The following ERC1 variants were observed in gnomAD, a reference collection of about 807,000 sequenced individuals.
ERC1 encodes the protein RAB6 interacting protein 2.
In ERC1, 56 loss-of-function variants were observed where a neutral mutation model predicts 132.0. The observed-to-expected ratio is 0.42, with a 90% CI of 0.34 to 0.53. The LOEUF is 0.53. Among genes scored for constraint, ERC1 ranks in the 20% least tolerant of loss-of-function variants. The probability of loss-of-function intolerance (pLI) is 0.03; values close to 1 mark genes in which losing one functional copy is unlikely to be tolerated. For synonymous variants in ERC1, 478 were observed against 476.1 expected (o/e 1.00, Z -0.05); for missense variants, 1,202 against 1,349.9 (o/e 0.89, Z 1.72).
chr12:1,113,033 T>G (rs745606217), intron 6 of ERC1, among the ~76,000 whole-genome samples: 3 of 152,222 alleles, frequency 2.0e-5, no homozygotes, highest in Non-Finnish European at 4.4e-5. Flanking sequence ...CCCATGTCAT[T>G]ATTCCCTAAG....
chr12:1,209,722 A>G (rs74057292), intron 12 of ERC1, among the ~76,000 whole-genome samples: 4,415 of 152,260 alleles, frequency 0.029, 221 homozygotes, highest in African/African-American at 0.1. Flanking sequence ...CTACCTTTCG[A>G]AAAGCTCCCA....
intron 2 of ERC1, among the ~76,000 whole-genome samples, chr12:1,034,383 C>T (rs1968658837): frequency 6.6e-6 from 1 of 151,726 alleles, no homozygotes; most frequent in South Asian, 2.1e-4. Flanking sequence ...TGAGTCCAGC[C>T]TGGGCAACAT....
intron 15 of ERC1, among the ~76,000 whole-genome samples, chr12:1,307,192 G>A (rs1468154913): frequency 2.6e-5 from 4 of 152,178 alleles, no homozygotes; most frequent in Non-Finnish European, 5.9e-5. Context: ...TAGCTAATCA[G>A]GTCATTTAAT....
At position 1,289,941 on chromosome 12, in the gene ERC1, A is replaced by G. The variant is rs761111207; in HGVS notation, c.2709A>G (p.Ala903=). Residue 903 remains alanine (A), a synonymous_variant, in exon 15 of 19, where the codon GCA becomes GCG. Transcript: ENST00000360905. ...TGTCCTCCACCCAGCAGTCTCTGGC[A>G]GAAAAGGAAACTCACTTGACTAATC... The part of the protein sequence containing the change: ...AKLSSTQQSL[A]EKETHLTNLR... 6.2e-6 allele frequency: 10 copies of G among 1,614,034 alleles called. No homozygotes were observed. The highest frequency in any genetic ancestry group is 5.0e-5 in the Admixed American group (3 of 60,012).
At chr12:1,083,114 A>G (rs917399221) in intron 2 of ERC1, 50 bp from the exon 3 acceptor site, 127 of 1,509,878 alleles carry the variant, frequency 8.4e-5, no homozygotes, top group Non-Finnish European at 1.1e-4. Context: ...CTGATTTGCT[A>G]CTTGAGGAGG....
At chr12:1,230,917 TTTTTCTATCC>T (rs2074981639) in intron 12 of ERC1, among the ~76,000 whole-genome samples, 1 of 152,212 alleles carries the variant, frequency 6.6e-6, no homozygotes, top group African/African-American at 2.4e-5. Flanking sequence ...ATGGAATATC[TTTTTCTATCC>T]TTTTGTTTTC....
intron 7 of ERC1, among the ~76,000 whole-genome samples, chr12:1,133,730 A>G (rs190447310): frequency 3.0e-4 from 46 of 152,266 alleles, no homozygotes; most frequent in African/African-American, 1.1e-3. Flanking sequence ...ACGCTGCTGT[A>G]TATTAGATCC....
intron 12 of ERC1, among the ~76,000 whole-genome samples, chr12:1,228,642 C>T (rs569395198): frequency 1.3e-5 from 2 of 152,170 alleles, no homozygotes; most frequent in South Asian, 2.1e-4. Flanking sequence ...AACTTTTCAC[C>T]GTTAGATTTA....
At chr12:1,243,760 C>T (rs775155175) in intron 13 of ERC1, among the ~76,000 whole-genome samples, 2 of 152,102 alleles carry the variant, frequency 1.3e-5, no homozygotes, top group Non-Finnish European at 2.9e-5. Flanking sequence ...TGTAGTTCTC[C>T]GGATAGCCCC....
chr12:1,083,185 G>A lies in ERC1; in HGVS notation c.691G>A (p.Ala231Thr). The A allele has an allele frequency of 6.2e-7, 1 of 1,613,186 alleles. No individual in the cohort carries two copies. The highest frequency in any genetic ancestry group is 8.5e-7 in the Non-Finnish European group (1 of 1,179,726). ...CTAGCACATGCAGATGACAATCCAG[G>A]CTCTCCAGGATGAATTGCGGATCCA... ...ENQHMQMTIQALQDELRIQRD... is the reference protein window; with the variant it reads ...ENQHMQMTIQTLQDELRIQRD... Residue 231 changes from alanine (A) to threonine (T), a missense_variant, in exon 3 of 19, where the codon GCT (alanine) becomes ACT (threonine). By Grantham distance (58) the Ala-to-Thr change is moderately conservative. Coordinates refer to ENST00000360905, the MANE Select transcript of ERC1 (RefSeq NM_178040.4).
rs577158643 is a variant in ERC1 at position 1,198,767 on chromosome 12, C to T, written c.2351+8715C>T. ...GGGGAAGCAGGCACATTTACATGGC[C>T]GGCAGGAGAGAGAGAGCCAGCAAAG... On this transcript the variant is annotated intron_variant, in intron 12 of 18. Transcript: ENST00000360905. Among the ~76,000 whole-genome samples, 28 of 151,066 alleles carry T rather than the reference C, an allele frequency of 1.9e-4. No homozygotes were observed. The South Asian group carries it at 4.6e-3, about 25-fold the overall frequency.
At chr12:1,084,656 A>G (rs889545692) in intron 3 of ERC1, among the ~76,000 whole-genome samples, 1 of 148,422 alleles carries the variant, frequency 6.7e-6, no homozygotes, top group Non-Finnish European at 1.5e-5. Context: ...TAACTTATGT[A>G]TATGCTTCCA....
intron 12 of ERC1, among the ~76,000 whole-genome samples, chr12:1,197,134 C>G (rs950783247): frequency 6.6e-6 from 1 of 151,738 alleles, no homozygotes; most frequent in African/African-American, 2.4e-5. Context: ...GCATACACCA[C>G]CATGCCCAGC....
chr12:1,253,759 G>A (rs1479455192), intron 13 of ERC1, among the ~76,000 whole-genome samples: 2 of 152,202 alleles, frequency 1.3e-5, no homozygotes, highest in Non-Finnish European at 2.9e-5. Flanking sequence ...ACATCAAGAA[G>A]TAAAGTTCTG....
At chr12:1,003,349 A>G (rs952575644) in intron 1 of ERC1, among the ~76,000 whole-genome samples, 1 of 152,166 alleles carries the variant, frequency 6.6e-6, no homozygotes. Context: ...ATGGTATTAT[A>G]AATAGAATTC....
chr12:1,457,532 T>TA (rs1435487598), intron 18 of ERC1, among the ~76,000 whole-genome samples: 1 of 152,302 alleles, frequency 6.6e-6, no homozygotes, highest in African/African-American at 2.4e-5. Context: ...CTCAAATATC[T>TA]AATATATTAT....
intron 2 of ERC1, among the ~76,000 whole-genome samples, chr12:1,057,543 G>A (rs1973201253): frequency 6.7e-6 from 1 of 148,506 alleles, no homozygotes; most frequent in South Asian, 2.1e-4. Context: ...TTTTAAAAAG[G>A]TGAATATCAG....
At chr12:1,451,473 A>C (rs1395170066) in intron 18 of ERC1, among the ~76,000 whole-genome samples, 1 of 147,444 alleles carries the variant, frequency 6.8e-6, no homozygotes, top group Non-Finnish European at 1.5e-5. Context: ...AAATTTAAAA[A>C]ATTTAGCTGG....
intron 1 of ERC1, among the ~76,000 whole-genome samples, chr12:1,024,365 AG>A (rs1966783853): frequency 6.6e-6 from 1 of 152,154 alleles, no homozygotes; most frequent in Non-Finnish European, 1.5e-5. Flanking sequence ...TGGGTGACAG[AG>A]GAGACCTTGT....
Sources: allele counts gnomAD v4.1 joint callset (sites outside exome capture counted in the v4.1 genomes callset), GRCh38; gene constraint gnomAD v4.1.1; transcripts MANE v1.5; gene names NCBI Gene and HGNC (gene_info 2026-07-23, HGNC 2026-07-21).